POLR1A: variants seen among roughly 807,000 people sequenced by gnomAD.
POLR1A encodes the protein RNA polymerase I subunit A.
POLR1A carries 84 observed loss-of-function variants against 205.3 expected under a neutral mutation model. The observed-to-expected ratio is 0.41, with a 90% CI of 0.34 to 0.49. POLR1A has a LOEUF of 0.49. POLR1A is among the 20% of genes least tolerant of loss of function. POLR1A has a pLI of 0.22. For missense variants in POLR1A, 1,645 were observed against 2,204.5 expected (o/e 0.75, Z 5.08); for synonymous variants, 799 against 863.7 (o/e 0.93, Z 1.31).
chr2:86,057,488 C>T (rs772320327), intron 14 of POLR1A, among the ~76,000 whole-genome samples: 6 of 152,102 alleles, frequency 3.9e-5, no homozygotes, highest in South Asian at 2.1e-4. Flanking sequence ...TGAAAACACA[C>T]GTTCATACAA....
chr2:86,041,795 G>A, intron 24 of POLR1A, 94 bp downstream of exon 24: 2 of 1,083,260 alleles, frequency 1.8e-6, no homozygotes, highest in East Asian at 2.4e-5. Flanking sequence ...CCAGGAGGCA[G>A]CCCTCTTCCG....
At position 86,028,541 on chromosome 2, in the gene POLR1A, G is replaced by T; in HGVS notation, c.4897+53C>A. On this transcript the variant is annotated intron_variant, in intron 32 of 33. Coordinates refer to ENST00000263857, the MANE Select transcript of POLR1A (RefSeq NM_015425.6). This position sits in a 1 kb window ranked among gnomAD's most constrained non-coding sequence, Gnocchi z 4.5. ...TCCTGACCCTCCTGCCGAGCCTTCT[G>T]GTGTCCTGGCTGGTGCCCAGACCTC... 7.6e-7 allele frequency: 1 copy of T among 1,310,502 alleles called. No homozygotes were observed. The highest frequency in any genetic ancestry group is 2.3e-5 in the East Asian group (1 of 43,256). The allele number at this position is 1,310,502 out of a possible 1,614,324, so 81.2% of individuals were successfully genotyped here.
At chr2:86,033,367 C>G (rs1269790606) in intron 28 of POLR1A, among the ~76,000 whole-genome samples, 1 of 152,234 alleles carries the variant, frequency 6.6e-6, no homozygotes, top group African/African-American at 2.4e-5. Flanking sequence ...ACCTCGAGTC[C>G]CTCCTCAGGA....
chr2:86,093,248 AG>A (rs1273386311), intron 3 of POLR1A, among the ~76,000 whole-genome samples: 7 of 152,260 alleles, frequency 4.6e-5, no homozygotes, highest in African/African-American at 1.7e-4. Flanking sequence ...AAATGTCGAA[AG>A]GGTTCCCTAT....
rs2104400166 is a variant in POLR1A, at chr2:86,054,281, T to C, written c.2067A>G (p.Ser689=). The C allele has an allele frequency of 1.9e-6, 3 of 1,613,818 alleles. No homozygotes were observed. The highest frequency in any genetic ancestry group is 1.3e-5 in the African/African-American group (1 of 74,994). Residue 689 remains serine (S), a synonymous_variant, in exon 15 of 34, where the codon TCA becomes TCG. Transcript: ENST00000263857. ...FPLWTGKQVV[S]TLLINIIPED... ...CTGGGATTATATTTATGAGCAGCGT[T>C]GACACAACCTGCAAAGAAAAAGAGG...
Position 86,075,068 on chromosome 2 carries a change from G to A in POLR1A, c.1573C>T (p.Pro525Ser). The change falls in exon 12 of 34, where the codon CCA (proline) becomes TCA (serine). Residue 525 changes from proline (P) to serine (S), a missense_variant. Pro to Ser is a moderately conservative substitution (Grantham distance 74). Transcript: ENST00000263857. ...REAVAKQLLT[P>S]ATGAPKPQGT... ...TGGGGCTTAGGTGCCCCCGTGGCTGGGGTCAGAAGCTGCTTGGCCACGGCC... is the reference window on the plus strand; with the variant it reads ...TGGGGCTTAGGTGCCCCCGTGGCTGAGGTCAGAAGCTGCTTGGCCACGGCC... 6.2e-7 allele frequency: 1 copy of A among 1,611,860 alleles called. No homozygotes were observed. The highest frequency in any genetic ancestry group is 8.5e-7 in the Non-Finnish European group (1 of 1,179,790).
At chr2:86,048,549 G>A (rs1314276344) in intron 18 of POLR1A, among the ~76,000 whole-genome samples, 1 of 152,200 alleles carries the variant, frequency 6.6e-6, no homozygotes, top group East Asian at 1.9e-4. Flanking sequence ...CAGCCAGGGC[G>A]ATCCGGGTCC....
chr2:86,065,008 C>A (rs1673061811), intron 14 of POLR1A, among the ~76,000 whole-genome samples: 1 of 152,128 alleles, frequency 6.6e-6, no homozygotes, highest in African/African-American at 2.4e-5. Context: ...CTCCAGACCT[C>A]AGGTGATCTG....
Position 86,040,472 on chromosome 2 carries a change from T to C in POLR1A, c.3660A>G (p.Gly1220=), listed in dbSNP as rs202126759. Residue 1220 remains glycine (G), a synonymous_variant, in exon 25 of 34, where the codon GGA becomes GGG. Coordinates refer to ENST00000263857, the MANE Select transcript of POLR1A (RefSeq NM_015425.6). ...AVGLLAAQSI[G]EPSTQMTLNT... ...TGAGGGTCATCTGGGTGGAGGGCTC[T>C]CCGATGCTCTGGGCAGCCAGCAGGC... 84 of 1,613,522 alleles carry C rather than the reference T, an allele frequency of 5.2e-5. No homozygotes were observed. The highest frequency in any genetic ancestry group is 8.5e-6 in the Non-Finnish European group (10 of 1,179,800).
Position 86,086,942 on chromosome 2 carries a change from T to C in POLR1A, c.730+1624A>G, listed in dbSNP as rs552384133. Among the ~76,000 whole-genome samples, 10 of 152,346 alleles carry C rather than the reference T, an allele frequency of 6.6e-5. No homozygotes were observed. In the South Asian group the frequency reaches 1.4e-3, roughly 22 times the overall value. ...GGTTAAGTGTAGGAAAATCCACTCT[T>C]ACAGTGTTAACTACCAACCATGAAA... On this transcript the variant is annotated intron_variant, in intron 6 of 33. Transcript: ENST00000263857.
intron 11 of POLR1A, among the ~76,000 whole-genome samples, chr2:86,077,517 G>C (rs966004160): frequency 2.0e-5 from 3 of 152,156 alleles, no homozygotes; most frequent in Non-Finnish European, 4.4e-5. Context: ...TGGTGAGGAA[G>C]GTCAAAAGAC....
At chr2:86,032,156 T>C in intron 29 of POLR1A, 116 bp downstream of exon 29, 1 of 737,680 alleles carries the variant, frequency 1.4e-6, no homozygotes, top group East Asian at 2.5e-5. Context: ...TGCTTCAGGG[T>C]TCCTTGTGGG....
intron 16 of POLR1A, among the ~76,000 whole-genome samples, chr2:86,049,931 T>C (rs963634742): frequency 6.6e-6 from 1 of 152,116 alleles, no homozygotes; most frequent in African/African-American, 2.4e-5. Context: ...TTGTTTTTGT[T>C]TTTTGAGACT....
Position 86,035,352 on chromosome 2 carries a change from G to C in POLR1A, c.4035-1565C>G, listed in dbSNP as rs531645669. Among the ~76,000 whole-genome samples the C allele has an allele frequency of 9.8e-5, 15 of 152,314 alleles. No homozygotes were observed. In the South Asian group the frequency reaches 1.0e-3, roughly 11 times the overall value. ...AAAGATACAATCCCACTGGAAAGAG[G>C]GGGTGGGAGAGATGTTTCTGTAAGG... is the stretch of plus-strand genomic sequence containing the variant. On this transcript the variant is annotated intron_variant, in intron 27 of 33. Coordinates refer to ENST00000263857, the MANE Select transcript of POLR1A (RefSeq NM_015425.6).
At chr2:86,035,332 T>TA (rs1389288797) in intron 27 of POLR1A, among the ~76,000 whole-genome samples, 1 of 152,166 alleles carries the variant, frequency 6.6e-6, no homozygotes, top group African/African-American at 2.4e-5. Flanking sequence ...TTTAGAAAGA[T>TA]ACAATCCCAC....
rs1273265189 is a variant in POLR1A at position 86,098,691 on chromosome 2, G to C, written c.352C>G (p.His118Asp). The C allele has an allele frequency of 1.2e-6, 2 of 1,613,792 alleles. No individual in the cohort carries two copies. Among genetic ancestry groups the C allele is most frequent in the African/African-American group, 2.7e-5 (2 of 74,862 alleles). ...HMLTCPRAVI[H>D]LLLCQLRVLE... ...ACCCTCAGCTGGCAGAGTAAGAGGT[G>C]AATCACGGCCCGGGGACAAGTCAGC... The change falls in exon 3 of 34, where the codon CAC becomes GAC. Residue 118 changes from histidine to aspartate, a missense_variant. Around this residue, in one of 16 missense-constraint regions of POLR1A, gnomAD observed 330 missense variants for 375.6 expected, o/e 0.88. Transcript: ENST00000263857.
intron 3 of POLR1A, 67 bp downstream of exon 3, chr2:86,098,544 C>T: frequency 6.6e-7 from 1 of 1,512,934 alleles, no homozygotes; most frequent in Non-Finnish European, 9.1e-7. Flanking sequence ...GGACAACATA[C>T]AAGCATCTCT....
chr2:86,063,275 C>T (rs186667885), intron 14 of POLR1A, among the ~76,000 whole-genome samples: 82 of 120,278 alleles, frequency 6.8e-4, no homozygotes, highest in Non-Finnish European at 1.1e-3. Flanking sequence ...GTGGAGGTTG[C>T]GGTGAGCCAG....
chr2:86,031,426 C>T lies in POLR1A; in HGVS notation c.4482G>A (p.Gly1494=). 2 of 1,613,924 alleles carry T rather than the reference C, an allele frequency of 1.2e-6. No homozygotes were observed. The highest frequency in any genetic ancestry group is 1.3e-5 in the African/African-American group (1 of 75,062). Residue 1494 remains glycine (G), a synonymous_variant, in exon 30 of 34, where the codon GGG becomes GGA. Coordinates refer to ENST00000263857, the MANE Select transcript of POLR1A (RefSeq NM_015425.6). ...GGACCCGGCGCTCCATGGCCTCGGGCCCCTGGGGCTCCTGGCTGTGGGTGG... is the reference window on the plus strand; with the variant it reads ...GGACCCGGCGCTCCATGGCCTCGGGTCCCTGGGGCTCCTGGCTGTGGGTGG... ...RKPTHSQEPQ[G]PEAMERRVQA... is the part of the protein sequence containing the mutation.
Sources: gnomAD v4.1 joint callset for allele counts (sites outside exome capture counted in the v4.1 genomes callset) on GRCh38, gnomAD v4.1.1 for gene constraint, gnomAD v4.1.1 regional missense constraint, Gnocchi (gnomAD v3.1) non-coding constraint, MANE v1.5 for transcripts, NCBI Gene and HGNC (gene_info 2026-07-23, HGNC 2026-07-21) for gene names.